The following GULP1 variants were observed in gnomAD, a reference collection of about 807,000 sequenced individuals.
GULP1 encodes GULP PTB domain containing engulfment adaptor 1, also known as PTB domain-containing engulfment adapter protein 1.
A neutral mutation model predicts 40.9 loss-of-function variants in GULP1; 19 were observed. That is an observed-to-expected ratio of 0.46 (90% CI 0.32 to 0.68). The LOEUF (loss-of-function observed/expected upper bound fraction) is 0.68, where lower values mean the gene tolerates loss of function less well. GULP1 is among the 30% of genes least tolerant of loss of function. The probability of loss-of-function intolerance (pLI) is 0.03; values close to 1 mark genes in which losing one functional copy is unlikely to be tolerated. For synonymous variants in GULP1, 119 were observed against 117.6 expected (o/e 1.01, Z -0.08); for missense variants, 312 against 362.2 (o/e 0.86, Z 1.12).
At chr2:188,337,138 C>CTA in intron 1 of GULP1, among the ~76,000 whole-genome samples, 1 of 111,918 alleles carries the variant, frequency 8.9e-6, no homozygotes, top group African/African-American at 3.2e-5. Context: ...ATATCTATAT[C>CTA]TATCTATATA....
chr2:188,373,645 T>G (rs1265336613), intron 1 of GULP1, among the ~76,000 whole-genome samples: 1 of 151,954 alleles, frequency 6.6e-6, no homozygotes, highest in African/African-American at 2.4e-5. Flanking sequence ...CTCTAGAAAC[T>G]TATTTGACCA....
intron 1 of GULP1, among the ~76,000 whole-genome samples, chr2:188,350,249 T>C (rs1327991977): frequency 6.6e-6 from 1 of 152,088 alleles, no homozygotes. Flanking sequence ...CAGCTGAAAT[T>C]TTGATAAGGA....
chr2:188,427,450 G>T (rs1013873995), intron 2 of GULP1, among the ~76,000 whole-genome samples: 5 of 152,190 alleles, frequency 3.3e-5, no homozygotes, highest in Non-Finnish European at 5.9e-5. Context: ...CAGGCATGGG[G>T]ACCTAGGAGA....
At chr2:188,592,767 T>A (rs1013272819) in intron 11 of GULP1, 1 of 152,102 alleles carries the variant, frequency 6.6e-6, no homozygotes, top group Non-Finnish European at 1.5e-5. Flanking sequence ...ACATAATTAT[T>A]CTAAATAAAA....
At chr2:188,382,801 C>T (rs375956633) in intron 1 of GULP1, among the ~76,000 whole-genome samples, 38 of 152,222 alleles carry the variant, frequency 2.5e-4, no homozygotes, top group East Asian at 2.3e-3. Flanking sequence ...CAGAAGAAAA[C>T]AAATACATTG....
intron 1 of GULP1, among the ~76,000 whole-genome samples, chr2:188,338,519 G>A (rs1202640426): frequency 6.6e-6 from 1 of 151,934 alleles, no homozygotes; most frequent in Non-Finnish European, 1.5e-5. Flanking sequence ...TGCCAGGGCT[G>A]GTCTTGAACT....
At chr2:188,354,532 G>A (rs2044992976) in intron 1 of GULP1, among the ~76,000 whole-genome samples, 1 of 152,106 alleles carries the variant, frequency 6.6e-6, no homozygotes, top group Admixed American at 6.6e-5. Context: ...TGCCACAGTA[G>A]GTTCATGAGG....
rs534163846 is a variant in GULP1 at position 188,522,599 on chromosome 2, A to G, written c.91-157A>G. On this transcript the variant is annotated intron_variant, in intron 4 of 11. Coordinates refer to ENST00000409830, the MANE Select transcript of GULP1 (RefSeq NM_016315.4). ...AATGATAAAGTTTAGTTACATTTTC[A>G]TATAATATAAAAATAATATAAAATA... The G allele has an allele frequency of 8.4e-5, 18 of 215,532 alleles. No individual in the cohort carries two copies. In the East Asian group the frequency reaches 1.7e-3, roughly 20 times the overall value. The allele number at this position is 215,532 out of a possible 1,614,324, so 13.4% of individuals were successfully genotyped here.
At chr2:188,552,305 T>TA (rs1693675310) in intron 7 of GULP1, among the ~76,000 whole-genome samples, 1 of 151,854 alleles carries the variant, frequency 6.6e-6, no homozygotes, top group Admixed American at 6.6e-5. Flanking sequence ...TTCCAGATAT[T>TA]ACATTTAAGT....
At chr2:188,361,373 TAGA>T (rs2046058828) in intron 1 of GULP1, among the ~76,000 whole-genome samples, 1 of 151,928 alleles carries the variant, frequency 6.6e-6, no homozygotes, top group East Asian at 1.9e-4. Flanking sequence ...AGAAGATTTA[TAGA>T]AGATTTTTGT....
At chr2:188,586,048 A>G (rs966238874) in intron 10 of GULP1, among the ~76,000 whole-genome samples, 3 of 152,134 alleles carry the variant, frequency 2.0e-5, no homozygotes, top group African/African-American at 7.2e-5. Flanking sequence ...CTGCTTAGAA[A>G]TTTCTTCTGC....
intron 4 of GULP1, among the ~76,000 whole-genome samples, chr2:188,502,001 T>A (rs2063480041): frequency 6.6e-6 from 1 of 151,972 alleles, no homozygotes; most frequent in African/African-American, 2.4e-5. Flanking sequence ...TATTTTTAAT[T>A]TTTTTAATGC....
intron 6 of GULP1, among the ~76,000 whole-genome samples, chr2:188,532,336 G>A (rs1462264575): frequency 6.6e-6 from 1 of 152,060 alleles, no homozygotes; most frequent in Non-Finnish European, 1.5e-5. Flanking sequence ...TTGGGTTTTA[G>A]AATTCACAGG....
chr2:188,573,552 G>T (rs1699557407), intron 9 of GULP1, among the ~76,000 whole-genome samples: 1 of 152,178 alleles, frequency 6.6e-6, no homozygotes, highest in African/African-American at 2.4e-5. Flanking sequence ...AGGACACACA[G>T]CAGGAACACA....
chr2:188,418,411 C>A lies in GULP1; in HGVS notation c.-45+34522C>A, dbSNP rs547818338. Among the ~76,000 whole-genome samples, 20 of 152,216 alleles carry A rather than the reference C, an allele frequency of 1.3e-4. No homozygotes were observed. In the South Asian group the frequency reaches 3.5e-3, roughly 27 times the overall value. On this transcript the variant is annotated intron_variant, in intron 2 of 11. Transcript: ENST00000409830. ...CTTTGGGAGGCCAAGGTGGCCGGAT[C>A]CCCTGAGGTCAGGAGTTCGAGACCA...
chr2:188,511,240 A>G (rs2064507552), intron 4 of GULP1, among the ~76,000 whole-genome samples: 1 of 152,186 alleles, frequency 6.6e-6, no homozygotes, highest in African/African-American at 2.4e-5. Context: ...ATTATATAAC[A>G]TAAATCTGAA....
chr2:188,492,699 T>G (rs1373694269), intron 4 of GULP1, among the ~76,000 whole-genome samples: 1 of 151,996 alleles, frequency 6.6e-6, no homozygotes, highest in African/African-American at 2.4e-5. Context: ...AACGTTGAAC[T>G]TTAACAGAAG....
chr2:188,476,433 T>C (rs2061015634), intron 2 of GULP1, among the ~76,000 whole-genome samples: 1 of 152,130 alleles, frequency 6.6e-6, no homozygotes, highest in Non-Finnish European at 1.5e-5. Context: ...TGTCTTGTCA[T>C]CTGAAGATGG....
At chr2:188,575,434 C>T (rs7340152) in intron 9 of GULP1, among the ~76,000 whole-genome samples, 3,188 of 152,000 alleles carry the variant, frequency 0.021, 105 homozygotes, top group African/African-American at 0.073. Flanking sequence ...GTAATAAACA[C>T]GTAAATATTT....
Sources: allele counts gnomAD v4.1 joint callset (sites outside exome capture counted in the v4.1 genomes callset), GRCh38; gene constraint gnomAD v4.1.1; transcripts MANE v1.5; gene names NCBI Gene and HGNC (gene_info 2026-07-23, HGNC 2026-07-21).